Variants in ADGRE5 observed in about 807,000 individuals in gnomAD.
ADGRE5 encodes the protein CD97 molecule.
In ADGRE5, 72 loss-of-function variants were observed where a neutral mutation model predicts 100.3. The ratio of observed to expected loss-of-function variants is 0.72; its 90% CI spans 0.59 to 0.87. The LOEUF (loss-of-function observed/expected upper bound fraction) is 0.87, where lower values mean the gene tolerates loss of function less well. Ranked by LOEUF, ADGRE5 falls within the 40% of genes least tolerant of loss-of-function variation. The probability of loss-of-function intolerance (pLI) is 0.00; values close to 1 mark genes in which losing one functional copy is unlikely to be tolerated. For synonymous variants in ADGRE5, 439 were observed against 447.8 expected (o/e 0.98, Z 0.25); for missense variants, 959 against 1,094.7 (o/e 0.88, Z 1.75).
In ADGRE5 at chr19:14,407,912, G is replaced by A. The variant is rs1205284294; in HGVS notation, c.2381G>A (p.Arg794Gln). ...ACTTGGTGTCTGGGCCGGCAGGTTC[G>A]GGAAGAATACCGGAAGTGGGCCTGC... ...LLHCLLNKKV[R>Q]EEYRKWACLV... The change falls in exon 19 of 20, where the codon CGG becomes CAG. Residue 794 changes from arginine (R) to glutamine (Q), a missense_variant. By Grantham distance (43) the Arg-to-Gln change is conservative. This residue lies in a region of ADGRE5 where 428 missense variants were observed against 386.2 expected (regional missense o/e 1.11). Coordinates refer to ENST00000242786, the MANE Select transcript of ADGRE5 (RefSeq NM_078481.4). 2.0e-5 allele frequency: 33 copies of A among 1,613,928 alleles called. No individual in the cohort carries two copies. The Middle Eastern group carries it at 5.0e-4, about 24-fold the overall frequency.
intron 3 of ADGRE5, among the ~76,000 whole-genome samples, chr19:14,390,379 AGTGACCC>A: frequency 6.8e-6 from 1 of 147,324 alleles, no homozygotes; most frequent in Non-Finnish European, 1.5e-5. Context: ...GCTGGAGTGC[AGTGACCC>A]GATCTCGGCT....
chr19:14,407,439 C>T (rs1019309240), intron 18 of ADGRE5, among the ~76,000 whole-genome samples: 1 of 152,112 alleles, frequency 6.6e-6, no homozygotes, highest in African/African-American at 2.4e-5. Context: ...CACCTGAGGT[C>T]AGTAATTCAA....
Position 14,391,014 on chromosome 19 carries a change from G to A in ADGRE5, c.281G>A (p.Ser94Asn), listed in dbSNP as rs1424212342. The A allele has an allele frequency of 6.2e-7, 1 of 1,614,106 alleles. No individual in the cohort carries two copies. ...NTEGSYDCVC[S>N]PGYEPVSGAK... ...GAGGGGAGCTACGACTGCGTGTGCA[G>A]CCCGGGATATGAGCCTGTTTCTGGG... The change falls in exon 4 of 20, where the codon AGC (serine) becomes AAC (asparagine). Residue 94 changes from serine to asparagine, a missense_variant. By Grantham distance (46) the Ser-to-Asn change is conservative (BLOSUM62 1). This residue lies in a region of ADGRE5 where 114 missense variants were observed against 195.7 expected (regional missense o/e 0.58). Transcript: ENST00000242786.
chr19:14,386,883 C>T (rs575411121), intron 1 of ADGRE5, among the ~76,000 whole-genome samples: 7 of 151,426 alleles, frequency 4.6e-5, no homozygotes, highest in South Asian at 2.1e-4. Context: ...GGCTTGGTGG[C>T]GGGTGCCTGT....
In ADGRE5 at chr19:14,401,273, C is replaced by A; in HGVS notation, c.898-113C>A. On this transcript the variant is annotated intron_variant, in intron 9 of 19. Coordinates refer to ENST00000242786, the MANE Select transcript of ADGRE5 (RefSeq NM_078481.4). The surrounding 1 kb of genome is among the most constrained non-coding windows in gnomAD (Gnocchi z 4.1). Reference sequence around the variant, plus strand: ...TGGTTACTGCATCATCTCAGTGATTCCCTTGTGCCTGTGGGTCTCCAGTGT... The same window carrying A: ...TGGTTACTGCATCATCTCAGTGATTACCTTGTGCCTGTGGGTCTCCAGTGT... 1 of 811,180 alleles carries A rather than the reference C, an allele frequency of 1.2e-6. No individual in the cohort carries two copies. The highest frequency in any genetic ancestry group is 1.9e-6 in the Non-Finnish European group (1 of 517,312). The allele number at this position is 811,180 out of a possible 1,614,324, so 50.2% of individuals were successfully genotyped here. A position where few individuals can be genotyped will look rare whatever the true frequency, so the allele number is the denominator to read the frequency against.
rs767863811 is a variant in ADGRE5 at position 14,398,080 on chromosome 19, G to A, written c.838G>A (p.Asp280Asn). Residue 280 changes from aspartate (D) to asparagine (N), a missense_variant, in exon 9 of 20, where the codon GAC (aspartate) becomes AAC (asparagine). This residue lies in a region of ADGRE5 where 69 missense variants were observed against 135.0 expected (regional missense o/e 0.51). Transcript: ENST00000242786. ...VHSQTLSRFF[D>N]KVQDLGRDSK... The stretch of plus-strand genomic sequence containing the variant: ...TCTGCAGACGCTTTCCCGATTCTTC[G>A]ACAAAGTCCAGGACCTGGGCAGAGA... 17 of 1,613,746 alleles carry A rather than the reference G, an allele frequency of 1.1e-5. No homozygotes were observed. The highest frequency in any genetic ancestry group is 5.0e-5 in the Admixed American group (3 of 59,944).
In ADGRE5 at chr19:14,402,717, G is replaced by A. The variant is rs371441293; in HGVS notation, c.1304G>A (p.Arg435His). 1.0e-4 allele frequency: 168 copies of A among 1,614,034 alleles called. No individual in the cohort carries two copies. The highest frequency in any genetic ancestry group is 1.6e-4 in the Middle Eastern group (1 of 6,084). Reference sequence around the variant, plus strand: ...GAGGAGATATATGAAAGCAGCATCCGTGGTGTCCAACTCAGACGCCTCTCT... The same window carrying A: ...GAGGAGATATATGAAAGCAGCATCCATGGTGTCCAACTCAGACGCCTCTCT... ...ELEEIYESSI[R>H]GVQLRRLSAV... The change falls in exon 12 of 20, where the codon CGT becomes CAT. Residue 435 changes from arginine (R) to histidine (H), a missense_variant. Arg to His is a conservative substitution (Grantham distance 29). This residue lies in a region of ADGRE5 where 246 missense variants were observed against 242.2 expected (regional missense o/e 1.02). Coordinates refer to ENST00000242786, the MANE Select transcript of ADGRE5 (RefSeq NM_078481.4).
chr19:14,405,723 C>A (rs1006203879), intron 13 of ADGRE5, 25 bp from the exon 14 acceptor site: 3 of 1,588,808 alleles, frequency 1.9e-6, no homozygotes, highest in South Asian at 1.1e-5. Flanking sequence ...CTGAAGGAAC[C>A]CTGAGCACCC....
chr19:14,402,891 A>C, intron 12 of ADGRE5, 29 bp downstream of exon 12: 1 of 1,611,000 alleles, frequency 6.2e-7, no homozygotes, highest in Non-Finnish European at 8.5e-7. Context: ...CACTTCCTCA[A>C]AGATAACCCA....
intron 12 of ADGRE5, among the ~76,000 whole-genome samples, chr19:14,404,156 G>A (rs1976124053): frequency 6.6e-6 from 1 of 152,090 alleles, no homozygotes; most frequent in Non-Finnish European, 1.5e-5. Context: ...TGGGATTACA[G>A]GCATGAGCCA....
Position 14,391,007 on chromosome 19 carries a change from G to T in ADGRE5, c.274G>T (p.Val92Leu), listed in dbSNP as rs775035938. The T allele has an allele frequency of 6.2e-7, 1 of 1,614,094 alleles. No individual in the cohort carries two copies. Among genetic ancestry groups the T allele is most frequent in the Non-Finnish European group, 8.5e-7 (1 of 1,180,050 alleles). Reference sequence around the variant, plus strand: ...GAACACAGAGGGGAGCTACGACTGCGTGTGCAGCCCGGGATATGAGCCTGT... The same window carrying T: ...GAACACAGAGGGGAGCTACGACTGCTTGTGCAGCCCGGGATATGAGCCTGT... Reference protein sequence around the residue: ...CWNTEGSYDCVCSPGYEPVSG... With the variant: ...CWNTEGSYDCLCSPGYEPVSG... The change falls in exon 4 of 20, where the codon GTG becomes TTG. Residue 92 changes from valine (V) to leucine (L), a missense_variant. By Grantham distance (32) the Val-to-Leu change is conservative (BLOSUM62 1). This residue lies in a region of ADGRE5 where 114 missense variants were observed against 195.7 expected (regional missense o/e 0.58). Coordinates refer to ENST00000242786, the MANE Select transcript of ADGRE5 (RefSeq NM_078481.4).
chr19:14,397,758 G>A lies in ADGRE5; in HGVS notation c.726G>A (p.Lys242=). The change falls in exon 7 of 20, where the codon AAG becomes AAA. Residue 242 remains lysine (K), a synonymous_variant. Transcript: ENST00000242786. The part of the protein sequence containing the change: ...SYSCRCRPGW[K]PRHGIPNNQK... Reference sequence around the variant, plus strand: ...GCTGCCGCTGCCGCCCAGGCTGGAAGCCCAGACACGGAATCCCGAATAACC... The same window carrying A: ...GCTGCCGCTGCCGCCCAGGCTGGAAACCCAGACACGGAATCCCGAATAACC... 3.6e-6 allele frequency: 5 copies of A among 1,390,908 alleles called. No individual in the cohort carries two copies. The highest frequency in any genetic ancestry group is 5.0e-6 in the Non-Finnish European group (5 of 1,008,482). The allele number at this position is 1,390,908 out of a possible 1,614,324, so 86.2% of individuals were successfully genotyped here.
chr19:14,407,331 G>A (rs1976302302), intron 18 of ADGRE5, 102 bp downstream of exon 18: 14 of 1,328,584 alleles, frequency 1.1e-5, no homozygotes, highest in African/African-American at 2.9e-5. Context: ...GACCAGCCTG[G>A]GCAACATAAC....
At chr19:14,405,990 G>T (rs1599634571) in intron 14 of ADGRE5, 51 bp downstream of exon 14, 18 of 1,526,538 alleles carry the variant, frequency 1.2e-5, no homozygotes, top group Non-Finnish European at 1.6e-5. Flanking sequence ...GGAGGCCTGG[G>T]AGGGGTTAGC....
At chr19:14,390,297 G>A (rs1319127243) in intron 3 of ADGRE5, among the ~76,000 whole-genome samples, 1 of 151,304 alleles carries the variant, frequency 6.6e-6, no homozygotes, top group African/African-American at 2.4e-5. Flanking sequence ...CTGGGGAGGG[G>A]GTACATTCTG....
At chr19:14,388,366 C>A (rs1437456224) in intron 1 of ADGRE5, 84 bp from the exon 2 acceptor site, 29 of 1,511,634 alleles carry the variant, frequency 1.9e-5, no homozygotes. Flanking sequence ...GGGTCAGCAT[C>A]CTCCTCCCAC....
rs757539799 is a variant in ADGRE5 at position 14,405,771 on chromosome 19, C to T, written c.1653C>T (p.Thr551=). ...AGGACTGGAAGCTGACCCTGATCACCAGGGTGGGACTGGCGCTGTCACTCT... is the reference window on the plus strand; with the variant it reads ...AGGACTGGAAGCTGACCCTGATCACTAGGGTGGGACTGGCGCTGTCACTCT... ...DVEDWKLTLI[T]RVGLALSLFC... The change falls in exon 14 of 20, where the codon ACC becomes ACT. Residue 551 remains threonine (T), a synonymous_variant. Coordinates refer to ENST00000242786, the MANE Select transcript of ADGRE5 (RefSeq NM_078481.4). 1.5e-5 allele frequency: 25 copies of T among 1,613,378 alleles called. No individual in the cohort carries two copies. The East Asian group carries it at 5.3e-4, about 35-fold the overall frequency.
At position 14,401,676 on chromosome 19, in the gene ADGRE5, C is replaced by G. The variant is rs78841685; in HGVS notation, c.1099C>G (p.Arg367Gly). 3 of 1,594,752 alleles carry G rather than the reference C, an allele frequency of 1.9e-6. No homozygotes were observed. The highest frequency in any genetic ancestry group is 2.6e-6 in the Non-Finnish European group (3 of 1,170,822). The change falls in exon 11 of 20, where the codon CGG (arginine) becomes GGG (glycine). Residue 367 changes from arginine (R) to glycine (G), a missense_variant. Arg to Gly is a moderately radical substitution (Grantham distance 125). Transcript: ENST00000242786. The surrounding 1 kb of genome is among the most constrained non-coding windows in gnomAD (Gnocchi z 4.1). ...NTELTLMIQE[R>G]GDKNVTMGQS... ...AGAGCTGACCCTGATGATCCAGGAG[C>G]GGGGGGACAAGAACGTCACTATGGG...
In ADGRE5 at chr19:14,383,618, C is replaced by A. The variant is rs1422559404; in HGVS notation, c.22+2073C>A. Among the ~76,000 whole-genome samples the A allele has an allele frequency of 2.6e-5, 4 of 151,890 alleles. No homozygotes were observed. The East Asian group carries it at 7.7e-4, about 29-fold the overall frequency. On this transcript the variant is annotated intron_variant, in intron 1 of 19. Coordinates refer to ENST00000242786, the MANE Select transcript of ADGRE5 (RefSeq NM_078481.4). ...GGAAGCCTAAAGAAGGGGTGACTGC[C>A]CCACCACCCCCCACCCCAGGATCTC...
Sources: allele counts gnomAD v4.1 joint callset (sites outside exome capture counted in the v4.1 genomes callset), GRCh38; gene constraint gnomAD v4.1.1; regional missense constraint gnomAD v4.1.1; non-coding constraint Gnocchi (gnomAD v3.1); transcripts MANE v1.5; gene names NCBI Gene and HGNC (gene_info 2026-07-23, HGNC 2026-07-21).